The following PTPRD variants were observed in gnomAD, a reference collection of about 807,000 sequenced individuals.
PTPRD encodes the protein receptor-type tyrosine-protein phosphatase delta.
PTPRD carries 34 observed loss-of-function variants against 214.5 expected under a neutral mutation model. The observed-to-expected ratio is 0.16, with a 90% CI of 0.12 to 0.21. The LOEUF is 0.21. Ranked by LOEUF, PTPRD falls within the 10% of genes least tolerant of loss-of-function variation. The pLI is 1.00. For synonymous variants in PTPRD, 1,128 were observed against 845.7 expected, an observed-to-expected ratio of 1.33 and a Z score of -5.79; for missense variants, 2,545 against 2,398.7, an observed-to-expected ratio of 1.06 and a Z score of -1.27.
chr9:9,463,531 G>A (rs182867218), intron 8 of PTPRD, among the ~76,000 whole-genome samples: 7 of 152,092 alleles, frequency 4.6e-5, no homozygotes, highest in Non-Finnish European at 8.8e-5. Flanking sequence ...TATGTAATTA[G>A]AAGTTTAGAG....
intron 7 of PTPRD, among the ~76,000 whole-genome samples, chr9:9,708,999 A>G (rs13291011): frequency 6.6e-6 from 1 of 151,986 alleles, no homozygotes; most frequent in South Asian, 2.1e-4. Context: ...CTTCTTGAGG[A>G]CAATAATTAT....
At chr9:10,443,781 A>G (rs1029631964) in intron 2 of PTPRD, among the ~76,000 whole-genome samples, 1 of 151,404 alleles carries the variant, frequency 6.6e-6, no homozygotes, top group African/African-American at 2.4e-5. Flanking sequence ...CTGGCTTCAG[A>G]AGATGTTAAT....
chr9:8,912,031 G>C (rs1335260620), intron 11 of PTPRD, among the ~76,000 whole-genome samples: 1 of 152,168 alleles, frequency 6.6e-6, no homozygotes, highest in Non-Finnish European at 1.5e-5. Context: ...TGTGGAGAGA[G>C]TGGAATACTC....
In PTPRD at chr9:8,925,724, T is replaced by A. The variant is rs183770316; in HGVS notation, c.-104+92973A>T. Among the ~76,000 whole-genome samples the A allele has an allele frequency of 5.4e-3, 812 of 151,578 alleles. 3 individuals are homozygous for A. Among genetic ancestry groups the A allele is most frequent in the Non-Finnish European group, 9.8e-3 (666 of 67,920 alleles). On this transcript the variant is annotated intron_variant, in intron 11 of 45. Transcript: ENST00000381196. ...TTACGCCACACCTCTAGGCACCGAGTACTGTTCTGTTCAGCTATAAACACC... is the reference window on the plus strand; with the variant it reads ...TTACGCCACACCTCTAGGCACCGAGAACTGTTCTGTTCAGCTATAAACACC...
intron 3 of PTPRD, among the ~76,000 whole-genome samples, chr9:10,284,779 G>GGAGA (rs56899116): frequency 8.0e-4 from 121 of 150,880 alleles, no homozygotes; most frequent in African/African-American, 2.7e-3. Flanking sequence ...AAGGCCAGGA[G>GGAGA]GAGAGAGAGA....
chr9:9,256,169 G>A (rs2099977609), intron 9 of PTPRD, among the ~76,000 whole-genome samples: 1 of 151,944 alleles, frequency 6.6e-6, no homozygotes. Context: ...ACAGAGCCAA[G>A]ACTAAATCCA....
intron 5 of PTPRD, among the ~76,000 whole-genome samples, chr9:9,885,727 A>G (rs965817400): frequency 6.6e-6 from 1 of 152,080 alleles, no homozygotes; most frequent in East Asian, 1.9e-4. Context: ...AAAATAGGTT[A>G]TCCCCCAGAT....
rs866894976 is a variant in PTPRD at position 8,841,989 on chromosome 9, C to A, written c.-103-108043G>T. 5.0e-5 allele frequency among the ~76,000 whole-genome samples: 7 copies of A among 139,468 alleles called. No homozygotes were observed. The South Asian group carries it at 1.2e-3, about 23-fold the overall frequency. The allele number at this position is 139,468 out of a possible 152,430, so 91.5% of individuals were successfully genotyped here. On this transcript the variant is annotated intron_variant, in intron 11 of 45. Transcript: ENST00000381196. Reference sequence around the variant, plus strand: ...TGGCCCCACTGCACTCCAGCCTGGGCAATAGAGCGAGACACAGTCTCAAAA... The same window carrying A: ...TGGCCCCACTGCACTCCAGCCTGGGAAATAGAGCGAGACACAGTCTCAAAA...
chr9:8,758,643 A>C (rs1598902229), intron 11 of PTPRD, among the ~76,000 whole-genome samples: 1 of 152,214 alleles, frequency 6.6e-6, no homozygotes, highest in Non-Finnish European at 1.5e-5. Flanking sequence ...TTTTAAAAAG[A>C]ATTTCTGACT....
chr9:9,213,520 G>GTTTA (rs1234691193), intron 9 of PTPRD, among the ~76,000 whole-genome samples: 2 of 151,738 alleles, frequency 1.3e-5, no homozygotes, highest in Non-Finnish European at 2.9e-5. Flanking sequence ...CTGGTTTTTT[G>GTTTA]TTTGTTTGTT....
intron 3 of PTPRD, among the ~76,000 whole-genome samples, chr9:10,240,294 C>T (rs1342125751): frequency 6.6e-6 from 1 of 151,906 alleles, no homozygotes; most frequent in East Asian, 1.9e-4. Context: ...AATACACTTG[C>T]TATGCCTTTA....
intron 2 of PTPRD, among the ~76,000 whole-genome samples, chr9:10,510,427 T>A (rs1237638352): frequency 6.6e-6 from 1 of 152,160 alleles, no homozygotes; most frequent in Non-Finnish European, 1.5e-5. Flanking sequence ...TTTCACTGTG[T>A]TATACCTTCC....
intron 11 of PTPRD, among the ~76,000 whole-genome samples, chr9:8,765,620 G>A (rs962933616): frequency 5.9e-5 from 9 of 152,124 alleles, no homozygotes; most frequent in African/African-American, 9.7e-5. Flanking sequence ...CTGCAACCTC[G>A]TAACAGATCC....
At chr9:10,354,650 TA>T (rs563809635) in intron 2 of PTPRD, among the ~76,000 whole-genome samples, 20 of 152,216 alleles carry the variant, frequency 1.3e-4, no homozygotes, top group Non-Finnish European at 2.6e-4. Context: ...GAACTTGTTT[TA>T]AAATACCTTA....
At chr9:10,326,989 T>C (rs1188972107) in intron 3 of PTPRD, among the ~76,000 whole-genome samples, 1 of 151,474 alleles carries the variant, frequency 6.6e-6, no homozygotes, top group Non-Finnish European at 1.5e-5. Flanking sequence ...TCTGACAATC[T>C]ATGTTCAAAC....
chr9:10,488,669 T>C lies in PTPRD; in HGVS notation c.-600+123729A>G, dbSNP rs183740037. 5.9e-5 allele frequency among the ~76,000 whole-genome samples: 9 copies of C among 152,230 alleles called. No individual in the cohort carries two copies. The East Asian group carries it at 1.7e-3, about 29-fold the overall frequency. ...TGCAGATGATCTGGCACTCAAACCATGAGACTCAGTCCTTCCCACTCTTCC... is the reference window on the plus strand; with the variant it reads ...TGCAGATGATCTGGCACTCAAACCACGAGACTCAGTCCTTCCCACTCTTCC... On this transcript the variant is annotated intron_variant, in intron 2 of 45. Transcript: ENST00000381196.
chr9:9,918,326 C>G (rs1246873758), intron 5 of PTPRD, among the ~76,000 whole-genome samples: 1 of 114,504 alleles, frequency 8.7e-6, no homozygotes, highest in Admixed American at 9.5e-5. Flanking sequence ...TATAAAATAC[C>G]TAGGAATAAA....
At chr9:9,923,256 T>G (rs1602287731) in intron 5 of PTPRD, among the ~76,000 whole-genome samples, 1 of 150,142 alleles carries the variant, frequency 6.7e-6, no homozygotes, top group Non-Finnish European at 1.5e-5. Context: ...TTAGTTTTTT[T>G]TTTCAAATAA....
In PTPRD at chr9:10,046,962, G is replaced by A. The variant is rs564491871; in HGVS notation, c.-544-13172C>T. Among the ~76,000 whole-genome samples, 20 of 151,968 alleles carry A rather than the reference G, an allele frequency of 1.3e-4. No homozygotes were observed. The East Asian group carries it at 3.5e-3, about 26-fold the overall frequency. ...AAGTGAAATATTTTATTGATAATAA[G>A]TAGATCAAATATGCATGGAAATTGT... On this transcript the variant is annotated intron_variant, in intron 3 of 45. Transcript: ENST00000381196.
Sources: allele counts gnomAD v4.1 joint callset (sites outside exome capture counted in the v4.1 genomes callset), GRCh38; gene constraint gnomAD v4.1.1; transcripts MANE v1.5; gene names NCBI Gene and HGNC (gene_info 2026-07-23, HGNC 2026-07-21).